The following SERPIND1 variants were observed in gnomAD, a reference collection of about 807,000 sequenced individuals.
SERPIND1 encodes the protein serpin family D member 1.
Under a neutral mutation model 35.0 loss-of-function variants are expected in SERPIND1, and 34 were observed. That is an observed-to-expected ratio of 0.97 (90% CI 0.74 to 1.29). The LOEUF is 1.29. Ranked by LOEUF, SERPIND1 falls within the 50% of genes most tolerant of loss-of-function variation. The pLI is 0.00. For missense variants in SERPIND1, 633 were observed against 637.7 expected (o/e 0.99, Z 0.08); for synonymous variants, 236 against 241.1 (o/e 0.98, Z 0.19).
At chr22:20,774,385 A>T (rs1335362958) in intron 1 of SERPIND1, among the ~76,000 whole-genome samples, 1 of 152,250 alleles carries the variant, frequency 6.6e-6, no homozygotes, top group Non-Finnish European at 1.5e-5. Flanking sequence ...TACTTATATT[A>T]AATTAATCGA....
intron 1 of SERPIND1, among the ~76,000 whole-genome samples, chr22:20,774,544 C>T (rs1355910231): frequency 1.3e-5 from 2 of 152,036 alleles, no homozygotes; most frequent in African/African-American, 2.4e-5. Context: ...GGGTGGATCA[C>T]GAGGTCAGGA....
intron 2 of SERPIND1, among the ~76,000 whole-genome samples, chr22:20,782,331 C>T (rs547807388): frequency 1.3e-5 from 2 of 152,342 alleles, no homozygotes; most frequent in East Asian, 1.9e-4. Flanking sequence ...TGTAAACACA[C>T]GTGCAAATGC....
In SERPIND1 at chr22:20,786,049, CA is replaced by C. The variant is rs1187261765; in HGVS notation, c.1211del (p.Asn404IlefsTer2). ...CGAAATTCAAGCTGGAGAAGAACTA[CA>C]ATCTAGTGGAGTCCCTGAAGTTGAT... ...LPKFKLEKNY[N>X]LVESLKLMGI... On this transcript the variant is annotated frameshift_variant, in exon 4 of 5. Transcript: ENST00000215727. LOFTEE classifies it high-confidence loss of function. The C allele has an allele frequency of 1.2e-6, 2 of 1,614,156 alleles. No homozygotes were observed. Among genetic ancestry groups the C allele is most frequent in the Non-Finnish European group, 1.7e-6 (2 of 1,180,022 alleles).
chr22:20,785,151 C>T (rs1033925277), intron 3 of SERPIND1, among the ~76,000 whole-genome samples: 1 of 151,396 alleles, frequency 6.6e-6, no homozygotes, highest in Non-Finnish European at 1.5e-5. Context: ...CTCACTGCAG[C>T]CTCAACCTCC....
intron 2 of SERPIND1, among the ~76,000 whole-genome samples, chr22:20,780,867 A>C (rs1247008876): frequency 6.6e-6 from 1 of 152,074 alleles, no homozygotes; most frequent in Non-Finnish European, 1.5e-5. Context: ...GGCCAACCCT[A>C]GCAATCTGTT....
At chr22:20,785,275 G>A (rs1318894484) in intron 3 of SERPIND1, among the ~76,000 whole-genome samples, 1 of 152,098 alleles carries the variant, frequency 6.6e-6, no homozygotes, top group Non-Finnish European at 1.5e-5. Context: ...TCGCTGTGTT[G>A]CCCAGGCTGG....
chr22:20,785,290 G>A (rs1376713535), intron 3 of SERPIND1, among the ~76,000 whole-genome samples: 1 of 152,160 alleles, frequency 6.6e-6, no homozygotes, highest in East Asian at 1.9e-4. Flanking sequence ...GGCTGGTCTT[G>A]AACTCCTGGC....
chr22:20,776,831 T>C (rs1395454138), intron 1 of SERPIND1, among the ~76,000 whole-genome samples: 1 of 152,132 alleles, frequency 6.6e-6, no homozygotes, highest in Non-Finnish European at 1.5e-5. Context: ...GAGGCCATTA[T>C]CAACATTAAC....
intron 1 of SERPIND1, among the ~76,000 whole-genome samples, chr22:20,775,923 TAC>T (rs138961143): frequency 0.03 from 4,513 of 152,284 alleles, 86 homozygotes; most frequent in Middle Eastern, 0.061. Flanking sequence ...TTGCTATTGA[TAC>T]ACAGTCTCCT....
intron 3 of SERPIND1, among the ~76,000 whole-genome samples, chr22:20,785,048 C>T (rs943030345): frequency 2.0e-5 from 3 of 150,330 alleles, no homozygotes; most frequent in African/African-American, 7.3e-5. Context: ...CCCGGCAGCT[C>T]TTGAGAAAGG....
chr22:20,782,078 T>C (rs1933846015), intron 2 of SERPIND1, among the ~76,000 whole-genome samples: 2 of 152,220 alleles, frequency 1.3e-5, no homozygotes, highest in Admixed American at 6.5e-5. Flanking sequence ...TAACCTATGT[T>C]TAGGACTGAC....
At chr22:20,776,408 T>A (rs2147462315) in intron 1 of SERPIND1, among the ~76,000 whole-genome samples, 1 of 152,334 alleles carries the variant, frequency 6.6e-6, no homozygotes, top group Middle Eastern at 3.4e-3. Flanking sequence ...AGGCAGGTGC[T>A]GAGATGGGGA....
intron 2 of SERPIND1, among the ~76,000 whole-genome samples, chr22:20,781,775 G>A (rs1409262257): frequency 1.3e-5 from 2 of 152,218 alleles, no homozygotes; most frequent in African/African-American, 4.8e-5. Flanking sequence ...ATTAGTACAA[G>A]TTTTGGAATT....
At chr22:20,783,797 CTT>C (rs1014384988) in intron 2 of SERPIND1, among the ~76,000 whole-genome samples, 173 bp from the exon 3 acceptor site, 5 of 152,172 alleles carry the variant, frequency 3.3e-5, no homozygotes, top group Admixed American at 1.3e-4. Flanking sequence ...GTTAACCTCT[CTT>C]GTTAGAAATG....
At chr22:20,780,727 G>A (rs1180711443) in intron 2 of SERPIND1, among the ~76,000 whole-genome samples, 1 of 138,030 alleles carries the variant, frequency 7.2e-6, no homozygotes, top group Non-Finnish European at 1.5e-5. Context: ...AGTGAGCCGA[G>A]ACTGTGCCAC....
At chr22:20,786,316 C>T (rs552601640) in intron 4 of SERPIND1, among the ~76,000 whole-genome samples, 168 bp downstream of exon 4, 13 of 152,254 alleles carry the variant, frequency 8.5e-5, no homozygotes, top group South Asian at 2.1e-4. Context: ...TTCATGGATG[C>T]CAGCTGGAGA....
chr22:20,781,986 T>C (rs1933837724), intron 2 of SERPIND1, among the ~76,000 whole-genome samples: 2 of 152,242 alleles, frequency 1.3e-5, no homozygotes, highest in African/African-American at 4.8e-5. Flanking sequence ...TTTGAGGGAA[T>C]GAAACTGTAG....
chr22:20,775,195 A>G (rs540053867), intron 1 of SERPIND1, among the ~76,000 whole-genome samples: 92 of 146,848 alleles, frequency 6.3e-4, no homozygotes, highest in African/African-American at 2.1e-3. Flanking sequence ...AGTTCCCAGG[A>G]AAAAAAAAAA....
In SERPIND1 at chr22:20,776,254, G is replaced by T. The variant is rs140916038; in HGVS notation, c.-17+2109G>T. ...TGGGAGGGTCTCTTGAGCCTGAGAG[G>T]AACAGGTGGCAGTGAACCAATATTG... On this transcript the variant is annotated intron_variant, in intron 1 of 4. Transcript: ENST00000215727. Among the ~76,000 whole-genome samples, 212 of 152,218 alleles carry T rather than the reference G, an allele frequency of 1.4e-3. 4 individuals carry two copies. In the East Asian group the frequency reaches 0.039, roughly 28 times the overall value.
Sources: gnomAD v4.1 joint callset for allele counts (sites outside exome capture counted in the v4.1 genomes callset) on GRCh38, gnomAD v4.1.1 for gene constraint, MANE v1.5 for transcripts, NCBI Gene and HGNC (gene_info 2026-07-23, HGNC 2026-07-21) for gene names.